Variants in PCDH9 observed in about 807,000 individuals in gnomAD.
The protein encoded by PCDH9 is protocadherin-9.
A neutral mutation model predicts 70.6 loss-of-function variants in PCDH9; 24 were observed. The observed-to-expected ratio is 0.34, with a 90% CI of 0.25 to 0.48. The LOEUF is 0.48. Ranked by LOEUF, PCDH9 falls within the 20% of genes least tolerant of loss-of-function variation. The pLI is 0.99. For synonymous variants in PCDH9, 562 were observed against 558.5 expected, an observed-to-expected ratio of 1.01 and a Z score of -0.09; for missense variants, 1,281 against 1,503.6, an observed-to-expected ratio of 0.85 and a Z score of 2.45.
intron 3 of PCDH9, among the ~76,000 whole-genome samples, chr13:66,658,953 C>T (rs2077969550): frequency 6.6e-6 from 1 of 151,990 alleles, no homozygotes; most frequent in African/African-American, 2.4e-5. Context: ...AAATAGACTT[C>T]AAGACATATA....
intron 3 of PCDH9, among the ~76,000 whole-genome samples, chr13:66,894,946 T>C (rs1175205283): frequency 2.0e-5 from 3 of 152,006 alleles, no homozygotes; most frequent in Non-Finnish European, 1.5e-5. Flanking sequence ...TAGCTGGGAT[T>C]ACAGGCATGT....
chr13:66,504,728 G>A (rs1329615273), intron 4 of PCDH9, among the ~76,000 whole-genome samples: 2 of 152,190 alleles, frequency 1.3e-5, no homozygotes, highest in Non-Finnish European at 2.9e-5. Context: ...AATGGTGACT[G>A]GATAAAGGGG....
At chr13:66,306,245 G>T (rs1340317762) in intron 4 of PCDH9, 1 of 151,628 alleles carries the variant, frequency 6.6e-6, no homozygotes, top group African/African-American at 2.4e-5. Context: ...TAAAACCAAA[G>T]TTAGCACAAC....
At chr13:66,973,803 T>C (rs552276160) in intron 2 of PCDH9, among the ~76,000 whole-genome samples, 52 of 152,156 alleles carry the variant, frequency 3.4e-4, no homozygotes, top group African/African-American at 1.2e-3. Context: ...GTATAATGTG[T>C]CTGACCTAAA....
intron 4 of PCDH9, among the ~76,000 whole-genome samples, chr13:66,573,718 G>A (rs2076769077): frequency 6.6e-6 from 1 of 150,872 alleles, no homozygotes; most frequent in Non-Finnish European, 1.5e-5. Context: ...AGGGTATTTT[G>A]TTGAGAGCAG....
intron 2 of PCDH9, among the ~76,000 whole-genome samples, chr13:67,057,947 A>C (rs968108385): frequency 2.0e-5 from 3 of 151,452 alleles, no homozygotes. Context: ...TGTAATTATA[A>C]ATGTGTAATT....
At chr13:66,604,098 A>T (rs1020292850) in intron 4 of PCDH9, among the ~76,000 whole-genome samples, 1 of 151,972 alleles carries the variant, frequency 6.6e-6, no homozygotes, top group Non-Finnish European at 1.5e-5. Context: ...TAGTTTCTCA[A>T]AGTGAGTCCT....
At chr13:66,624,147 T>C (rs961007488) in intron 4 of PCDH9, among the ~76,000 whole-genome samples, 5 of 152,226 alleles carry the variant, frequency 3.3e-5, no homozygotes, top group Non-Finnish European at 7.3e-5. Flanking sequence ...GTAATAACTG[T>C]TCCTGATCTG....
chr13:67,120,594 A>G (rs1263353421), intron 2 of PCDH9, among the ~76,000 whole-genome samples: 1 of 152,100 alleles, frequency 6.6e-6, no homozygotes, highest in African/African-American at 2.4e-5. Flanking sequence ...CAACAAATCA[A>G]TTGCTGTTTT....
chr13:66,978,974 T>A, intron 2 of PCDH9, among the ~76,000 whole-genome samples: 1 of 151,828 alleles, frequency 6.6e-6, no homozygotes, highest in Non-Finnish European at 1.5e-5. Context: ...ATCTTATACA[T>A]TTGTATTTAT....
In PCDH9 at chr13:67,138,260, A is replaced by T. The variant is rs768127416; in HGVS notation, c.3036+87145T>A. On this transcript the variant is annotated intron_variant, in intron 2 of 4. Transcript: ENST00000377865. ...TTCATTGAAGTGTTGTGAGAACCAA[A>T]CAGGCTGAAATATCTGGCCTGTTTA... is the stretch of plus-strand genomic sequence containing the variant. 2.0e-5 allele frequency among the ~76,000 whole-genome samples: 3 copies of T among 152,196 alleles called. No homozygotes were observed. The East Asian group carries it at 5.8e-4, about 29-fold the overall frequency.
intron 4 of PCDH9, among the ~76,000 whole-genome samples, chr13:66,570,164 A>G (rs1158169030): frequency 6.6e-6 from 1 of 152,156 alleles, no homozygotes; most frequent in Non-Finnish European, 1.5e-5. Context: ...ATAAAAAGTT[A>G]AATACTATAT....
chr13:67,185,926 T>G (rs1400976930), intron 2 of PCDH9, among the ~76,000 whole-genome samples: 1 of 152,024 alleles, frequency 6.6e-6, no homozygotes, highest in Non-Finnish European at 1.5e-5. Context: ...GAGACAGGGT[T>G]TCTCCAAGTT....
At position 66,867,280 on chromosome 13, in the gene PCDH9, T is replaced by C. The variant is rs146048185; in HGVS notation, c.3138+36224A>G. The stretch of plus-strand genomic sequence containing the variant: ...ACTGAGGCACATATCTAAGGATTAT[T>C]AATGTTCTCTCTGGTGATGTTTATG... On this transcript the variant is annotated intron_variant, in intron 3 of 4. Transcript: ENST00000377865. Among the ~76,000 whole-genome samples the C allele has an allele frequency of 5.4e-3, 828 of 152,300 alleles. 4 individuals carry two copies. The highest frequency in any genetic ancestry group is 0.019 in the African/African-American group (797 of 41,564).
chr13:66,513,587 A>G (rs1458667132), intron 4 of PCDH9, among the ~76,000 whole-genome samples: 2 of 152,082 alleles, frequency 1.3e-5, no homozygotes. Flanking sequence ...ATCATCTTCC[A>G]CAGGTTGGGG....
At chr13:66,351,087 T>A (rs1035270977) in intron 4 of PCDH9, among the ~76,000 whole-genome samples, 1 of 152,184 alleles carries the variant, frequency 6.6e-6, no homozygotes, top group Admixed American at 6.5e-5. Context: ...ATAACTCTTA[T>A]TACAAATAAT....
intron 4 of PCDH9, among the ~76,000 whole-genome samples, chr13:66,530,389 C>G (rs540893206): frequency 1.5e-4 from 23 of 152,084 alleles, no homozygotes; most frequent in African/African-American, 5.3e-4. Context: ...GCTGTGCTTT[C>G]AGTATTAGAT....
intron 3 of PCDH9, among the ~76,000 whole-genome samples, chr13:66,697,780 A>G (rs1468909167): frequency 6.6e-6 from 1 of 152,202 alleles, no homozygotes; most frequent in African/African-American, 2.4e-5. Flanking sequence ...CTGGGTATTT[A>G]CCCAAAAGAA....
intron 2 of PCDH9, among the ~76,000 whole-genome samples, chr13:67,147,155 C>A (rs144552881): frequency 6.6e-6 from 1 of 152,056 alleles, no homozygotes; most frequent in African/African-American, 2.4e-5. Flanking sequence ...AAAAGACTTC[C>A]GAAATCATCA....
Sources: gnomAD v4.1 joint callset for allele counts (sites outside exome capture counted in the v4.1 genomes callset) on GRCh38, gnomAD v4.1.1 for gene constraint, MANE v1.5 for transcripts, NCBI Gene and HGNC (gene_info 2026-07-23, HGNC 2026-07-21) for gene names.